The following BBX variants were observed in gnomAD, a reference collection of about 807,000 sequenced individuals.
The protein encoded by BBX is HMG box transcription factor BBX.
Under a neutral mutation model 100.2 loss-of-function variants are expected in BBX, and 30 were observed. The ratio of observed to expected loss-of-function variants is 0.30; its 90% CI spans 0.22 to 0.41. The LOEUF is 0.41. Among genes scored for constraint, BBX ranks in the 10% least tolerant of loss-of-function variants. The pLI is 1.00. For synonymous variants in BBX, 376 were observed against 388.1 expected (o/e 0.97, Z 0.37); for missense variants, 1,023 against 1,129.8 (o/e 0.91, Z 1.35).
chr3:107,730,848 A>G (rs1372018875), intron 6 of BBX, among the ~76,000 whole-genome samples: 1 of 152,196 alleles, frequency 6.6e-6, no homozygotes, highest in Non-Finnish European at 1.5e-5. Context: ...TTCCTTTTCA[A>G]CAAGATGAAA....
intron 2 of BBX, among the ~76,000 whole-genome samples, chr3:107,631,543 T>TA (rs372663965): frequency 0.41 from 59,972 of 148,012 alleles, 12,360 homozygotes; most frequent in Non-Finnish European, 0.45. Flanking sequence ...TAGAATTAGT[T>TA]AAAAAAAAAA....
chr3:107,542,418 T>C (rs1218706793), intron 2 of BBX, among the ~76,000 whole-genome samples: 1 of 152,218 alleles, frequency 6.6e-6, no homozygotes, highest in Non-Finnish European at 1.5e-5. Flanking sequence ...AAGAGGTTTG[T>C]TGAAGAATTG....
chr3:107,760,971 A>G (rs1053834415), intron 10 of BBX, among the ~76,000 whole-genome samples: 7 of 152,212 alleles, frequency 4.6e-5, no homozygotes, highest in Non-Finnish European at 1.5e-5. Context: ...AATTGCTCAG[A>G]GTTGATTAGT....
In BBX at chr3:107,772,692, A is replaced by T; in HGVS notation, c.971A>T (p.Asp324Val). 1 of 1,605,780 alleles carries T rather than the reference A, an allele frequency of 6.2e-7. No individual in the cohort carries two copies. Among genetic ancestry groups the T allele is most frequent in the Non-Finnish European group, 8.5e-7 (1 of 1,178,122 alleles). ...AAGCTAATAAAAGCAAAAGAATCCGATGGTGGAAGAATTAAAGAATTAGAG... is the reference window on the plus strand; with the variant it reads ...AAGCTAATAAAAGCAAAAGAATCCGTTGGTGGAAGAATTAAAGAATTAGAG... Reference protein sequence around the residue: ...ESKLIKAKESDGGRIKELEKG... With the variant: ...ESKLIKAKESVGGRIKELEKG... Residue 324 changes from aspartate (D) to valine (V), a missense_variant, in exon 11 of 18, where the codon GAT (aspartate) becomes GTT (valine). Around this residue, in one of 9 missense-constraint regions of BBX, gnomAD observed 348 missense variants for 353.2 expected, o/e 0.99. Coordinates refer to ENST00000325805, the MANE Select transcript of BBX (RefSeq NM_001142568.3).
intron 3 of BBX, among the ~76,000 whole-genome samples, chr3:107,684,153 T>C (rs745981640): frequency 6.6e-6 from 1 of 152,310 alleles, no homozygotes; most frequent in Admixed American, 6.5e-5. Context: ...GGTAAGAAAC[T>C]ATTTTTTAAC....
chr3:107,716,906 C>T, intron 5 of BBX, 57 bp downstream of exon 5: 2 of 1,578,940 alleles, frequency 1.3e-6, no homozygotes, highest in South Asian at 1.1e-5. Flanking sequence ...CTGAAACTCC[C>T]AGTCAACAAA....
In BBX at chr3:107,664,149, TAAAG is replaced by T. The variant is rs565127170; in HGVS notation, c.-10+18241_-10+18244del. 1.8e-3 allele frequency among the ~76,000 whole-genome samples: 277 copies of T among 152,294 alleles called. 1 individual carries two copies. The highest frequency in any genetic ancestry group is 4.9e-3 in the Admixed American group (75 of 15,300). On this transcript the variant is annotated intron_variant, in intron 3 of 17. Transcript: ENST00000325805. ...TTTCTTTTATTTTTGTCATTGGAAA[TAAAG>T]CAGCAGAGGAAAAGTTCTTGAGTCC...
intron 16 of BBX, among the ~76,000 whole-genome samples, chr3:107,798,973 A>G (rs1488028366): frequency 6.6e-6 from 1 of 151,686 alleles, no homozygotes; most frequent in Non-Finnish European, 1.5e-5. Flanking sequence ...ACACTGTGAA[A>G]CCCCATCTCT....
chr3:107,590,504 G>A (rs564770609), intron 2 of BBX, among the ~76,000 whole-genome samples: 4 of 152,208 alleles, frequency 2.6e-5, no homozygotes, highest in African/African-American at 4.8e-5. Context: ...TTTTGTACCC[G>A]TTAATCAACC....
chr3:107,746,371 T>G (rs1021173984), intron 8 of BBX, among the ~76,000 whole-genome samples: 15 of 152,318 alleles, frequency 9.8e-5, no homozygotes, highest in African/African-American at 3.6e-4. Context: ...AATGATAAGA[T>G]TCATGGTTTG....
intron 16 of BBX, 48 bp from the exon 17 acceptor site, chr3:107,801,047 G>T (rs748405671): frequency 6.4e-7 from 1 of 1,551,566 alleles, no homozygotes; most frequent in Non-Finnish European, 8.8e-7. Flanking sequence ...TCTCTTCTCT[G>T]GAGAGAACAG....
chr3:107,675,002 T>C (rs1377156199), intron 3 of BBX, among the ~76,000 whole-genome samples: 1 of 152,178 alleles, frequency 6.6e-6, no homozygotes, highest in Non-Finnish European at 1.5e-5. Flanking sequence ...AGAGTCCAAG[T>C]TTTCAGACTT....
chr3:107,688,176 G>A (rs931671948), intron 3 of BBX, among the ~76,000 whole-genome samples: 1 of 152,154 alleles, frequency 6.6e-6, no homozygotes, highest in Admixed American at 6.5e-5. Flanking sequence ...TCTCTCTTCA[G>A]CATTACTTTC....
chr3:107,790,884 A>G (rs533868407), intron 14 of BBX, among the ~76,000 whole-genome samples: 2 of 152,188 alleles, frequency 1.3e-5, no homozygotes, highest in East Asian at 3.9e-4. Context: ...TTTGTTTTGT[A>G]TATTGATATT....
intron 2 of BBX, among the ~76,000 whole-genome samples, chr3:107,573,557 C>T (rs1366121846): frequency 2.0e-5 from 3 of 151,762 alleles, no homozygotes; most frequent in Non-Finnish European, 4.4e-5. Context: ...GAGACTCCGT[C>T]TCAAAACAAA....
intron 10 of BBX, among the ~76,000 whole-genome samples, chr3:107,770,382 G>A (rs2066805920): frequency 6.6e-6 from 1 of 152,138 alleles, no homozygotes; most frequent in African/African-American, 2.4e-5. Context: ...CCTTGAGAAT[G>A]CCTTTCTAGC....
intron 10 of BBX, among the ~76,000 whole-genome samples, chr3:107,768,397 T>A (rs1308015993): frequency 2.6e-5 from 4 of 152,328 alleles, no homozygotes; most frequent in East Asian, 1.9e-4. Context: ...AAAAACATTC[T>A]TAGGTTGCTG....
intron 16 of BBX, among the ~76,000 whole-genome samples, chr3:107,800,430 A>T (rs2070313960): frequency 6.6e-6 from 1 of 152,220 alleles, no homozygotes; most frequent in Non-Finnish European, 1.5e-5. Context: ...CTATATTTAC[A>T]ATTTTTTTAA....
chr3:107,722,748 A>AT (rs986614617), intron 5 of BBX, among the ~76,000 whole-genome samples: 7 of 151,910 alleles, frequency 4.6e-5, no homozygotes, highest in Admixed American at 1.3e-4. Context: ...AAATAGTCTA[A>AT]TTTTTTTTCT....
Sources: allele counts gnomAD v4.1 joint callset (sites outside exome capture counted in the v4.1 genomes callset), GRCh38; gene constraint gnomAD v4.1.1; regional missense constraint gnomAD v4.1.1; transcripts MANE v1.5; gene names NCBI Gene and HGNC (gene_info 2026-07-23, HGNC 2026-07-21).